Variants in ANKRD44 observed in about 807,000 individuals in gnomAD.
ANKRD44 encodes the protein serine/threonine-protein phosphatase 6 regulatory ankyrin repeat subunit B.
A neutral mutation model predicts 116.0 loss-of-function variants in ANKRD44; 35 were observed. The ratio of observed to expected loss-of-function variants is 0.30; its 90% CI spans 0.23 to 0.40. The LOEUF is 0.40. Ranked by LOEUF, ANKRD44 falls within the 10% of genes least tolerant of loss-of-function variation. ANKRD44 has a pLI of 1.00. For missense variants in ANKRD44, 1,014 were observed against 1,242.6 expected, an observed-to-expected ratio of 0.82 and a Z score of 2.77; for synonymous variants, 435 against 461.8, an observed-to-expected ratio of 0.94 and a Z score of 0.74.
At chr2:197,095,449 G>A (rs954858144) in intron 10 of ANKRD44, among the ~76,000 whole-genome samples, 1 of 152,190 alleles carries the variant, frequency 6.6e-6, no homozygotes, top group African/African-American at 2.4e-5. Context: ...TGCATGCCAA[G>A]TCCACTGTTC....
chr2:197,171,395 G>T (rs1574601858), intron 2 of ANKRD44, among the ~76,000 whole-genome samples: 1 of 152,286 alleles, frequency 6.6e-6, no homozygotes, highest in Non-Finnish European at 1.5e-5. Flanking sequence ...ATAGTCAGTG[G>T]TTATGCTAGA....
At chr2:197,057,190 G>T (rs2077219497) in intron 16 of ANKRD44, among the ~76,000 whole-genome samples, 1 of 152,146 alleles carries the variant, frequency 6.6e-6, no homozygotes, top group South Asian at 2.1e-4. Flanking sequence ...CTCCTAGTTA[G>T]CTAAGAATTT....
chr2:197,149,640 C>A (rs537563141), intron 2 of ANKRD44, among the ~76,000 whole-genome samples: 1 of 152,252 alleles, frequency 6.6e-6, no homozygotes, highest in South Asian at 2.1e-4. Flanking sequence ...GCAGCAGAAC[C>A]ACAGAAACAA....
At chr2:197,164,711 G>C (rs746609206) in intron 2 of ANKRD44, among the ~76,000 whole-genome samples, 2 of 152,142 alleles carry the variant, frequency 1.3e-5, no homozygotes, top group African/African-American at 2.4e-5. Flanking sequence ...ATTTGGGCCT[G>C]CCGCCTCCTC....
At chr2:197,304,419 A>T (rs1341455391) in intron 1 of ANKRD44, among the ~76,000 whole-genome samples, 1 of 152,228 alleles carries the variant, frequency 6.6e-6, no homozygotes. Flanking sequence ...ACATGGGTTA[A>T]AATCCTTCTC....
chr2:197,039,167 A>G (rs2076861716), intron 16 of ANKRD44, among the ~76,000 whole-genome samples: 1 of 152,196 alleles, frequency 6.6e-6, no homozygotes, highest in South Asian at 2.1e-4. Context: ...ATTTAGTTTC[A>G]TTCTTTTGTG....
intron 1 of ANKRD44, among the ~76,000 whole-genome samples, chr2:197,240,014 C>T (rs1342576021): frequency 1.3e-5 from 2 of 152,086 alleles, no homozygotes; most frequent in African/African-American, 4.8e-5. Flanking sequence ...ATAATTTCTA[C>T]ATTTCCTAAA....
At chr2:197,026,193 T>A (rs2076592050) in intron 16 of ANKRD44, among the ~76,000 whole-genome samples, 2 of 152,238 alleles carry the variant, frequency 1.3e-5, no homozygotes, top group African/African-American at 2.4e-5. Flanking sequence ...GATTACCATG[T>A]GCCCTGACAC....
At chr2:196,994,142 TTA>T (rs2075969649) in intron 26 of ANKRD44, among the ~76,000 whole-genome samples, 1 of 152,234 alleles carries the variant, frequency 6.6e-6, no homozygotes, top group African/African-American at 2.4e-5. Context: ...CCTTAAAGAA[TTA>T]TGTCAAACTC....
intron 8 of ANKRD44, among the ~76,000 whole-genome samples, chr2:197,113,870 G>C (rs1044268324): frequency 2.0e-5 from 3 of 152,166 alleles, no homozygotes; most frequent in Non-Finnish European, 4.4e-5. Flanking sequence ...CCAGGCTATA[G>C]CTGATATTTT....
At chr2:197,072,922 C>G (rs2077591173) in intron 16 of ANKRD44, among the ~76,000 whole-genome samples, 1 of 152,186 alleles carries the variant, frequency 6.6e-6, no homozygotes, top group Admixed American at 6.5e-5. Flanking sequence ...ATAAAGAGTT[C>G]TCTAGGCACT....
chr2:197,238,708 T>A (rs997229832), intron 1 of ANKRD44, among the ~76,000 whole-genome samples: 2 of 152,076 alleles, frequency 1.3e-5, no homozygotes, highest in South Asian at 4.1e-4. Context: ...ATCTTTTTTT[T>A]TTTAATTTAT....
At chr2:197,216,735 T>C (rs1403871212) in intron 1 of ANKRD44, among the ~76,000 whole-genome samples, 1 of 151,976 alleles carries the variant, frequency 6.6e-6, no homozygotes, top group African/African-American at 2.4e-5. Context: ...CATAACTACC[T>C]TTTCTGGACT....
intron 4 of ANKRD44, among the ~76,000 whole-genome samples, chr2:197,127,391 C>A (rs1297321901): frequency 1.3e-5 from 2 of 152,126 alleles, no homozygotes; most frequent in Non-Finnish European, 2.9e-5. Context: ...CAGATAACTA[C>A]CTTTTTAAAA....
intron 3 of ANKRD44, among the ~76,000 whole-genome samples, chr2:197,145,065 G>C (rs752566595): frequency 2.6e-5 from 4 of 152,170 alleles, no homozygotes; most frequent in African/African-American, 4.8e-5. Flanking sequence ...GCCAAGGCAG[G>C]CGGATCACAA....
At chr2:197,060,229 C>T (rs1158595715) in intron 16 of ANKRD44, among the ~76,000 whole-genome samples, 2 of 152,138 alleles carry the variant, frequency 1.3e-5, no homozygotes, top group African/African-American at 2.4e-5. Flanking sequence ...GATATAGCAG[C>T]TTCTTCATCT....
chr2:197,244,078 G>A (rs2082141688), intron 1 of ANKRD44, among the ~76,000 whole-genome samples: 1 of 152,120 alleles, frequency 6.6e-6, no homozygotes, highest in African/African-American at 2.4e-5. Flanking sequence ...CAAAACAAAA[G>A]TATCAAAACC....
chr2:197,039,911 T>C (rs186076852), intron 16 of ANKRD44, among the ~76,000 whole-genome samples: 42 of 152,278 alleles, frequency 2.8e-4, no homozygotes, highest in African/African-American at 8.7e-4. Context: ...GATAATTTCA[T>C]GTCCTTTCAA....
In ANKRD44 at chr2:197,128,088, T is replaced by C. The variant is rs143099083; in HGVS notation, c.262-2051A>G. Among the ~76,000 whole-genome samples, 1,066 of 152,326 alleles carry C rather than the reference T, an allele frequency of 7.0e-3. 15 individuals are homozygous for C. Among genetic ancestry groups the C allele is most frequent in the African/African-American group, 0.024 (1,011 of 41,580 alleles). On this transcript the variant is annotated intron_variant, in intron 4 of 27. Transcript: ENST00000282272. ...TATCATTGATGGACATGTGGGTTGA[T>C]TCTGTCTTTGCTATTGTGAATAGTG... is the stretch of plus-strand genomic sequence containing the variant.
Sources: gnomAD v4.1 joint callset for allele counts (sites outside exome capture counted in the v4.1 genomes callset) on GRCh38, gnomAD v4.1.1 for gene constraint, MANE v1.5 for transcripts, NCBI Gene and HGNC (gene_info 2026-07-23, HGNC 2026-07-21) for gene names.